UNC13B: variants seen among roughly 807,000 people sequenced by gnomAD.
The protein encoded by UNC13B is unc-13 homolog B.
UNC13B carries 144 observed loss-of-function variants against 211.0 expected under a neutral mutation model. The observed-to-expected ratio is 0.68, with a 90% CI of 0.60 to 0.78. The LOEUF (loss-of-function observed/expected upper bound fraction) is 0.78. Among genes scored for constraint, UNC13B ranks in the 30% least tolerant of loss-of-function variants. UNC13B has a pLI of 0.00. For missense variants in UNC13B, 1,777 were observed against 2,002.0 expected (o/e 0.89, Z 2.14); for synonymous variants, 709 against 725.8 (o/e 0.98, Z 0.37).
intron 1 of UNC13B, among the ~76,000 whole-genome samples, chr9:35,205,346 CT>C (rs1048309992): frequency 6.6e-6 from 1 of 152,096 alleles, no homozygotes; most frequent in African/African-American, 2.4e-5. Context: ...TATACATGCC[CT>C]TTTGGTTTAC....
At chr9:35,377,066 G>C (rs549961199) in intron 15 of UNC13B, among the ~76,000 whole-genome samples, 29 of 152,208 alleles carry the variant, frequency 1.9e-4, no homozygotes, top group Non-Finnish European at 4.0e-4. Context: ...GTCACCTCTA[G>C]ACCCACAAGT....
intron 8 of UNC13B, among the ~76,000 whole-genome samples, chr9:35,297,155 C>T (rs1259105243): frequency 7.0e-6 from 1 of 142,178 alleles, no homozygotes; most frequent in Non-Finnish European, 1.5e-5. Flanking sequence ...GTGGCGTGAT[C>T]TCGGCTCACT....
intron 11 of UNC13B, chr9:35,351,679 C>G: frequency 1.6e-6 from 2 of 1,232,270 alleles, no homozygotes; most frequent in South Asian, 8.2e-5. Flanking sequence ...AGGACAACTC[C>G]CTGCCCCCTT....
chr9:35,303,152 G>C lies in UNC13B; in HGVS notation c.3748G>C (p.Glu1250Gln). 2.5e-6 allele frequency: 1 copy of C among 398,650 alleles called. No individual in the cohort carries two copies. The highest frequency in any genetic ancestry group is 2.1e-5 in the African/African-American group (1 of 48,704). The allele number at this position is 398,650 out of a possible 1,614,324, so 24.7% of individuals were successfully genotyped here. A position where few individuals can be genotyped will look rare whatever the true frequency, so the allele number is the denominator to read the frequency against. ...VEKHETSSFI[E>Q]ASLLPKENIP... Reference sequence around the variant, plus strand: ...AAAACATGAAACTTCTAGCTTCATAGAAGCCTCCTTATTACCTAAAGAAAA... The same window carrying C: ...AAAACATGAAACTTCTAGCTTCATACAAGCCTCCTTATTACCTAAAGAAAA... The change falls in exon 9 of 40, where the codon GAA becomes CAA. Residue 1250 changes from glutamate to glutamine, a missense_variant. Glu to Gln is a conservative substitution (Grantham distance 29). Transcript: ENST00000635942.
intron 1 of UNC13B, among the ~76,000 whole-genome samples, chr9:35,187,678 A>AT (rs1399451545): frequency 6.6e-6 from 1 of 152,234 alleles, no homozygotes; most frequent in Non-Finnish European, 1.5e-5. Flanking sequence ...GGAATTTTAG[A>AT]TAAAACCTCT....
At chr9:35,278,943 A>G (rs1828329136) in intron 7 of UNC13B, among the ~76,000 whole-genome samples, 1 of 152,132 alleles carries the variant, frequency 6.6e-6, no homozygotes, top group African/African-American at 2.4e-5. Context: ...CATGAATGGT[A>G]GTATGCTATG....
intron 26 of UNC13B, among the ~76,000 whole-genome samples, chr9:35,395,220 C>G (rs1234602588): frequency 2.6e-5 from 4 of 152,084 alleles, no homozygotes; most frequent in Non-Finnish European, 2.9e-5. Flanking sequence ...TACGAAAAGT[C>G]CTCTTTCTGG....
At chr9:35,382,836 T>A (rs1161423238) in intron 21 of UNC13B, among the ~76,000 whole-genome samples, 3 of 152,198 alleles carry the variant, frequency 2.0e-5, no homozygotes, top group Non-Finnish European at 1.5e-5. Context: ...AGGGCTGGGA[T>A]TACAGGCTTG....
At position 35,202,888 on chromosome 9, in the gene UNC13B, G is replaced by C. The variant is rs367674675; in HGVS notation, c.23-25127G>C. On this transcript the variant is annotated intron_variant, in intron 1 of 39. Transcript: ENST00000635942. Reference sequence around the variant, plus strand: ...GCTCACTGCAAGCTCTGCCTCCCAGGTTCACGCCATTCTCCTGCCTCAGCC... The same window carrying C: ...GCTCACTGCAAGCTCTGCCTCCCAGCTTCACGCCATTCTCCTGCCTCAGCC... 7.6e-4 allele frequency among the ~76,000 whole-genome samples: 115 copies of C among 151,796 alleles called. 2 individuals carry two copies. In the South Asian group the frequency reaches 0.019, roughly 25 times the overall value.
chr9:35,335,215 G>C (rs894922248), intron 11 of UNC13B, among the ~76,000 whole-genome samples: 5 of 152,338 alleles, frequency 3.3e-5, no homozygotes, highest in African/African-American at 1.2e-4. Context: ...AGAATACTAA[G>C]TTAGCAGTTA....
intron 7 of UNC13B, among the ~76,000 whole-genome samples, chr9:35,294,832 G>T (rs559607844): frequency 4.6e-5 from 7 of 152,266 alleles, no homozygotes; most frequent in Non-Finnish European, 8.8e-5. Flanking sequence ...CCCTTTCCAA[G>T]CACAGCGATG....
At chr9:35,231,033 T>A (rs1210268349) in intron 2 of UNC13B, 87 bp from the exon 3 acceptor site, 2 of 834,950 alleles carry the variant, frequency 2.4e-6, no homozygotes, top group East Asian at 2.7e-5. Flanking sequence ...TACTTTAATT[T>A]CTATATTGCT....
chr9:35,382,630 T>A (rs1405360605), intron 21 of UNC13B, 123 bp downstream of exon 21: 9 of 1,174,086 alleles, frequency 7.7e-6, no homozygotes, highest in Non-Finnish European at 1.1e-5. Flanking sequence ...TGGCGTGGTC[T>A]CGGCTCACTG....
chr9:35,249,928 A>G (rs1295281595), intron 6 of UNC13B, among the ~76,000 whole-genome samples: 1 of 151,756 alleles, frequency 6.6e-6, no homozygotes, highest in East Asian at 1.9e-4. Context: ...CCTCTCTTCC[A>G]CTGTGCTGTT....
chr9:35,322,283 GCTGCAGAAAAAT>G (rs1223557930), intron 11 of UNC13B, among the ~76,000 whole-genome samples: 10 of 152,160 alleles, frequency 6.6e-5, no homozygotes, highest in Admixed American at 5.2e-4. Flanking sequence ...ATTTGGCTTA[GCTGCAGAAAAAT>G]CTGGGGGAGG....
intron 9 of UNC13B, among the ~76,000 whole-genome samples, chr9:35,310,251 C>T (rs536594727): frequency 4.6e-5 from 7 of 152,220 alleles, no homozygotes; most frequent in Admixed American, 1.3e-4. Flanking sequence ...GGTTAAGTGT[C>T]GTTGGAGAAC....
At chr9:35,237,267 T>C (rs1422979857) in intron 4 of UNC13B, among the ~76,000 whole-genome samples, 1 of 152,134 alleles carries the variant, frequency 6.6e-6, no homozygotes, top group East Asian at 1.9e-4. Context: ...TTTTCTGTAT[T>C]TCTTTTAGTT....
Position 35,304,036 on chromosome 9 carries a change from C to T in UNC13B, c.4632C>T (p.Leu1544=). 2.5e-6 allele frequency: 1 copy of T among 398,732 alleles called. No individual in the cohort carries two copies. 24.7% of individuals were successfully genotyped at this position (398,732 alleles called of 1,614,324 possible). Residue 1544 remains leucine (L), a synonymous_variant, in exon 9 of 40, where the codon CTC becomes CTT. Transcript: ENST00000635942. The part of the protein sequence containing the change: ...FHDGQYIYSL[L]TDSTGQYAYL... ...ATGGTCAATATATCTATTCTCTTCTCACTGATTCTACTGGGCAGTATGCAT... is the reference window on the plus strand; with the variant it reads ...ATGGTCAATATATCTATTCTCTTCTTACTGATTCTACTGGGCAGTATGCAT...
chr9:35,298,712 AC>A, intron 8 of UNC13B, among the ~76,000 whole-genome samples: 1 of 152,306 alleles, frequency 6.6e-6, no homozygotes, highest in African/African-American at 2.4e-5. Flanking sequence ...TAAAGAACAC[AC>A]TGAACTCATA....
Sources: allele counts gnomAD v4.1 joint callset (sites outside exome capture counted in the v4.1 genomes callset), GRCh38; gene constraint gnomAD v4.1.1; transcripts MANE v1.5; gene names NCBI Gene and HGNC (gene_info 2026-07-23, HGNC 2026-07-21).